The following CCDC191 variants were observed in gnomAD, a reference collection of about 807,000 sequenced individuals.
CCDC191 encodes the protein coiled-coil domain-containing protein 191.
A neutral mutation model predicts 114.0 loss-of-function variants in CCDC191; 99 were observed. The ratio of observed to expected loss-of-function variants is 0.87; its 90% CI spans 0.74 to 1.03. CCDC191 has a LOEUF of 1.03. Among genes scored for constraint, CCDC191 ranks in the 50% least tolerant of loss-of-function variants. The pLI, the probability that CCDC191 is intolerant of heterozygous loss-of-function variation, is 0.00. For missense variants in CCDC191, 973 were observed against 1,087.0 expected, an observed-to-expected ratio of 0.90 and a Z score of 1.47; for synonymous variants, 351 against 376.0, an observed-to-expected ratio of 0.93 and a Z score of 0.77.
intron 1 of CCDC191, 136 bp from the exon 2 acceptor site, chr3:114,053,771 A>G: frequency 3.8e-6 from 2 of 523,882 alleles, no homozygotes; most frequent in Non-Finnish European, 6.8e-6. Context: ...TAGAAAGTTC[A>G]GCATGATTAG....
chr3:113,971,094 G>C (rs943452335), intron 16 of CCDC191, among the ~76,000 whole-genome samples: 1 of 152,180 alleles, frequency 6.6e-6, no homozygotes, highest in Admixed American at 6.5e-5. Context: ...AACGGGATGG[G>C]TGGGTCAAAT....
rs761036859 is a variant in CCDC191, at chr3:114,002,536, T to C, written c.1981A>G (p.Met661Val). ...LMTPHPILKAMEERAIQRAEC... is the reference protein window; with the variant it reads ...LMTPHPILKAVEERAIQRAEC... Reference sequence around the variant, plus strand: ...GCTCGTTGAATTGCTCTCTCTTCCATAGCTAGAAAATAGTAACAGAGTTCT... The same window carrying C: ...GCTCGTTGAATTGCTCTCTCTTCCACAGCTAGAAAATAGTAACAGAGTTCT... The change falls in exon 12 of 17, where the codon ATG (methionine) becomes GTG (valine). Residue 661 changes from methionine (M) to valine (V), a missense_variant and splice_region_variant. Physicochemically the swap from Met to Val is conservative, Grantham distance 21. Coordinates refer to ENST00000295878, the MANE Select transcript of CCDC191 (RefSeq NM_020817.2). 6.2e-6 allele frequency: 10 copies of C among 1,605,868 alleles called. No homozygotes were observed.
chr3:114,019,798 A>G (rs1178290957), intron 7 of CCDC191, among the ~76,000 whole-genome samples: 1 of 152,146 alleles, frequency 6.6e-6, no homozygotes, highest in Non-Finnish European at 1.5e-5. Flanking sequence ...GCCTAACTAC[A>G]GTAGTCACCT....
At chr3:114,030,314 A>G (rs1305331670) in intron 7 of CCDC191, among the ~76,000 whole-genome samples, 1 of 152,166 alleles carries the variant, frequency 6.6e-6, no homozygotes, top group Admixed American at 6.5e-5. Context: ...CATTTTTTAG[A>G]AAACACACTT....
chr3:113,997,621 A>G (rs555795228), intron 13 of CCDC191, among the ~76,000 whole-genome samples: 161 of 152,354 alleles, frequency 1.1e-3, no homozygotes, highest in Non-Finnish European at 1.9e-3. Flanking sequence ...GGACAATAGG[A>G]GCCAACCTTA....
intron 7 of CCDC191, among the ~76,000 whole-genome samples, chr3:114,031,312 C>T (rs2076400556): frequency 1.3e-5 from 2 of 152,092 alleles, no homozygotes; most frequent in Admixed American, 1.3e-4. Flanking sequence ...CAGAGAGCTA[C>T]CTTAGTTTAA....
chr3:113,978,419 G>T, intron 15 of CCDC191, 88 bp from the exon 16 acceptor site: 1 of 1,286,508 alleles, frequency 7.8e-7, no homozygotes, highest in Non-Finnish European at 1.1e-6. Flanking sequence ...AGACAGAAAT[G>T]AAACAAAAGA....
chr3:114,036,609 TG>T lies in CCDC191; in HGVS notation c.592del (p.Gln198ArgfsTer2). On this transcript the variant is annotated frameshift_variant and splice_region_variant, in exon 5 of 17. Coordinates refer to ENST00000295878, the MANE Select transcript of CCDC191 (RefSeq NM_020817.2). LOFTEE classifies it high-confidence loss of function. The part of the protein sequence containing the change: ...PRLTMEMRHK[Q>X]VKENRLRREK... ...TTTAATTTTGTTTTTCCCTCCCACC[TG>T]CTTATGTCTCATCTCCATGGTAAGA... 1 of 1,579,942 alleles carries T rather than the reference TG, an allele frequency of 6.3e-7. No individual in the cohort carries two copies. Among genetic ancestry groups the T allele is most frequent in the Non-Finnish European group, 8.6e-7 (1 of 1,164,196 alleles).
Position 114,001,748 on chromosome 3 carries a change from T to C in CCDC191, c.2062-52A>G, listed in dbSNP as rs773570127. 21 of 1,607,464 alleles carry C rather than the reference T, an allele frequency of 1.3e-5. No homozygotes were observed. In the East Asian group the frequency reaches 4.2e-4, roughly 32 times the overall value. On this transcript the variant is annotated intron_variant, in intron 12 of 16. Transcript: ENST00000295878. Reference sequence around the variant, plus strand: ...TCAGAACCCTCAATTTGAACAGAAATGTGATCTTTTATGTTTAGGATAGTC... The same window carrying C: ...TCAGAACCCTCAATTTGAACAGAAACGTGATCTTTTATGTTTAGGATAGTC...
chr3:114,011,663 C>T (rs1016365041), intron 8 of CCDC191, among the ~76,000 whole-genome samples: 2 of 152,128 alleles, frequency 1.3e-5, no homozygotes, highest in African/African-American at 2.4e-5. Context: ...AAAGGCAAGG[C>T]CCCTGGTCTC....
chr3:113,989,732 T>C (rs1211050038), intron 13 of CCDC191, among the ~76,000 whole-genome samples: 2 of 152,134 alleles, frequency 1.3e-5, no homozygotes, highest in African/African-American at 4.8e-5. Context: ...ATGCCTGTAA[T>C]CTTACCACTT....
At chr3:113,995,011 A>AAT (rs2075681729) in intron 13 of CCDC191, among the ~76,000 whole-genome samples, 1 of 152,222 alleles carries the variant, frequency 6.6e-6, no homozygotes, top group African/African-American at 2.4e-5. Flanking sequence ...GTTCTATTGG[A>AAT]ATACTATTTG....
chr3:114,017,161 G>A (rs1559912170), intron 8 of CCDC191, among the ~76,000 whole-genome samples: 1 of 149,602 alleles, frequency 6.7e-6, no homozygotes, highest in African/African-American at 2.5e-5. Flanking sequence ...GGCATTCAAG[G>A]CCATTCAGAA....
chr3:114,020,234 G>A (rs751454184), intron 7 of CCDC191, among the ~76,000 whole-genome samples: 3 of 152,116 alleles, frequency 2.0e-5, no homozygotes, highest in Non-Finnish European at 4.4e-5. Flanking sequence ...TGTTTGATAT[G>A]ACCTCTACTT....
At chr3:113,974,153 G>T (rs973717961) in intron 16 of CCDC191, among the ~76,000 whole-genome samples, 2 of 151,780 alleles carry the variant, frequency 1.3e-5, no homozygotes, top group Admixed American at 1.3e-4. Context: ...AAATTTATCT[G>T]AAAAATTTCT....
chr3:113,974,324 GTT>G (rs113527931), intron 16 of CCDC191, among the ~76,000 whole-genome samples: 2 of 141,348 alleles, frequency 1.4e-5, no homozygotes, highest in African/African-American at 2.6e-5. Context: ...GCTGTTTTTT[GTT>G]TTTTTTTTTT....
chr3:114,021,878 T>A (rs948208057), intron 7 of CCDC191, among the ~76,000 whole-genome samples: 1 of 152,200 alleles, frequency 6.6e-6, no homozygotes. Flanking sequence ...TCCCTCCATT[T>A]ATTTCCTAGT....
intron 13 of CCDC191, among the ~76,000 whole-genome samples, chr3:113,996,351 T>C (rs1235269468): frequency 6.6e-6 from 1 of 152,194 alleles, no homozygotes; most frequent in Non-Finnish European, 1.5e-5. Flanking sequence ...CCCAGCACCA[T>C]TTATTAAATA....
intron 7 of CCDC191, among the ~76,000 whole-genome samples, chr3:114,028,998 C>G (rs2076365358): frequency 2.0e-5 from 3 of 151,284 alleles, no homozygotes; most frequent in Non-Finnish European, 4.4e-5. Flanking sequence ...TATATTTTAG[C>G]TCTGTCTGCT....
Sources: gnomAD v4.1 joint callset for allele counts (sites outside exome capture counted in the v4.1 genomes callset) on GRCh38, gnomAD v4.1.1 for gene constraint, MANE v1.5 for transcripts, NCBI Gene and HGNC (gene_info 2026-07-23, HGNC 2026-07-21) for gene names.